TXNRD1: variants seen among roughly 807,000 people sequenced by gnomAD.
TXNRD1 encodes the protein thioredoxin reductase 1, also known as thioredoxin reductase 1, cytoplasmic.
TXNRD1 carries 57 observed loss-of-function variants against 80.3 expected under a neutral mutation model. That is an observed-to-expected ratio of 0.71 (90% CI 0.57 to 0.89). TXNRD1 has a LOEUF of 0.89. Among genes scored for constraint, TXNRD1 ranks in the 40% least tolerant of loss-of-function variants. TXNRD1 has a pLI of 0.00. For synonymous variants in TXNRD1, 291 were observed against 285.2 expected, an observed-to-expected ratio of 1.02 and a Z score of -0.20; for missense variants, 730 against 803.0, an observed-to-expected ratio of 0.91 and a Z score of 1.10.
intron 3 of TXNRD1, among the ~76,000 whole-genome samples, chr12:104,288,329 G>A (rs576461615): frequency 1.3e-5 from 2 of 152,318 alleles, no homozygotes; most frequent in South Asian, 4.1e-4. Flanking sequence ...TGTGGAATCT[G>A]TATGTTCCAC....
At chr12:104,267,657 C>CTTTCTTTCTTTCTTTCTTTG (rs1565870034) in intron 3 of TXNRD1, among the ~76,000 whole-genome samples, 84 of 31,240 alleles carry the variant, frequency 2.7e-3, no homozygotes, top group African/African-American at 9.8e-3. Flanking sequence ...ATCTTTCTTT[C>CTTTCTTTCTTTCTTTCTTTG]TTTCTTTCTT....
intron 13 of TXNRD1, among the ~76,000 whole-genome samples, chr12:104,330,562 A>G (rs879530825): frequency 6.7e-6 from 1 of 149,722 alleles, no homozygotes; most frequent in Non-Finnish European, 1.5e-5. Context: ...GGTGTGAACT[A>G]TAGAACCATT....
chr12:104,342,109 T>G (rs1476537718), intron 16 of TXNRD1, among the ~76,000 whole-genome samples: 1 of 152,142 alleles, frequency 6.6e-6, no homozygotes, highest in Non-Finnish European at 1.5e-5. Flanking sequence ...TAGGGGTGTT[T>G]ATAGAGGTCC....
At chr12:104,342,244 C>T (rs2036351404) in intron 16 of TXNRD1, among the ~76,000 whole-genome samples, 1 of 152,070 alleles carries the variant, frequency 6.6e-6, no homozygotes, top group Non-Finnish European at 1.5e-5. Flanking sequence ...TGGTTGGTTC[C>T]TCTGGCAACC....
chr12:104,300,455 A>C lies in TXNRD1; in HGVS notation c.415-10835A>C, dbSNP rs547873608. ...AGTACCAGTGCGCTTCTTGCTTTCT[A>C]TTCCTGGTCACAGACAAATTTATCA... is the stretch of plus-strand genomic sequence containing the variant. On this transcript the variant is annotated intron_variant, in intron 4 of 16. Coordinates refer to ENST00000525566, the MANE Select transcript of TXNRD1 (RefSeq NM_001093771.3). Among the ~76,000 whole-genome samples the C allele has an allele frequency of 3.9e-5, 6 of 152,306 alleles. No individual in the cohort carries two copies. In the East Asian group the frequency reaches 1.2e-3, roughly 29 times the overall value.
chr12:104,313,015 T>C (rs2035193523), intron 5 of TXNRD1, among the ~76,000 whole-genome samples: 1 of 152,230 alleles, frequency 6.6e-6, no homozygotes. Flanking sequence ...CTAACAATTT[T>C]ACTACTCTAT....
chr12:104,339,435 T>G, intron 16 of TXNRD1, 162 bp downstream of exon 16: 1 of 970,842 alleles, frequency 1.0e-6, no homozygotes. Flanking sequence ...CAATACTGAT[T>G]GCTCATGGTA....
At chr12:104,348,030 C>G (rs1029786568) in intron 16 of TXNRD1, among the ~76,000 whole-genome samples, 1 of 152,150 alleles carries the variant, frequency 6.6e-6, no homozygotes, top group African/African-American at 2.4e-5. Context: ...TTCTTTATAT[C>G]CAAAATATTT....
At chr12:104,267,374 T>C (rs11111962) in intron 3 of TXNRD1, among the ~76,000 whole-genome samples, 102,036 of 150,376 alleles carry the variant, frequency 0.68, 34,777 homozygotes, top group East Asian at 0.85. Context: ...AACTCCTGGC[T>C]TCATGCAATC....
At position 104,230,510 on chromosome 12, in the gene TXNRD1, A is replaced by G. The variant is rs577651698; in HGVS notation, c.91+14617A>G. ...ATTGTCTATCTTTTTTATTCTAGCC[A>G]TCCTAGTGGTGTGAAGTGGTATCTC... On this transcript the variant is annotated intron_variant, in intron 1 of 16. Coordinates refer to ENST00000525566, the MANE Select transcript of TXNRD1 (RefSeq NM_001093771.3). Among the ~76,000 whole-genome samples the G allele has an allele frequency of 2.4e-4, 36 of 152,296 alleles. No individual in the cohort carries two copies. The South Asian group carries it at 7.2e-3, about 31-fold the overall frequency.
At chr12:104,321,069 C>CT (rs80130284) in intron 9 of TXNRD1, 22 bp from the exon 10 acceptor site, 192,027 of 1,261,800 alleles carry the variant, frequency 0.15, 1,170 homozygotes, top group East Asian at 0.24. Flanking sequence ...TTCTTTCTTC[C>CT]TTTTTTTTTT....
At chr12:104,309,877 C>T (rs925264566) in intron 4 of TXNRD1, 3 of 1,535,844 alleles carry the variant, frequency 2.0e-6, no homozygotes, top group Non-Finnish European at 2.6e-6. Context: ...AGTCTTGCCC[C>T]CACTGTTGCT....
chr12:104,319,630 A>G, intron 9 of TXNRD1, 45 bp downstream of exon 9: 1 of 1,393,626 alleles, frequency 7.2e-7, no homozygotes, highest in Non-Finnish European at 9.9e-7. Context: ...CATTGTGGAT[A>G]TTGCTTTCGC....
intron 4 of TXNRD1, among the ~76,000 whole-genome samples, chr12:104,301,757 C>G (rs144453429): frequency 3.3e-5 from 5 of 152,336 alleles, no homozygotes; most frequent in African/African-American, 1.2e-4. Flanking sequence ...AGATTTAAAA[C>G]AAGTTCAAAT....
At chr12:104,263,435 G>A (rs974293769) in intron 3 of TXNRD1, among the ~76,000 whole-genome samples, 5 of 152,128 alleles carry the variant, frequency 3.3e-5, no homozygotes, top group African/African-American at 7.2e-5. Context: ...ATGTGATGGT[G>A]TCTGTTGCAC....
At chr12:104,247,409 T>G (rs2033018912) in intron 1 of TXNRD1, among the ~76,000 whole-genome samples, 1 of 152,208 alleles carries the variant, frequency 6.6e-6, no homozygotes, top group African/African-American at 2.4e-5. Flanking sequence ...CCTGGTTCTG[T>G]GCTGTTCCTG....
At chr12:104,241,085 G>A (rs1426047235) in intron 1 of TXNRD1, among the ~76,000 whole-genome samples, 3 of 151,084 alleles carry the variant, frequency 2.0e-5, no homozygotes, top group Non-Finnish European at 4.4e-5. Flanking sequence ...TGTCGCCCAG[G>A]CTGGAGTGCA....
intron 16 of TXNRD1, among the ~76,000 whole-genome samples, chr12:104,346,609 CAGTT>C (rs1252099096): frequency 6.6e-6 from 1 of 152,122 alleles, no homozygotes; most frequent in African/African-American, 2.4e-5. Flanking sequence ...CTTTCTAACA[CAGTT>C]ATTTTTATTA....
At chr12:104,338,407 C>A (rs1161012649) in intron 15 of TXNRD1, among the ~76,000 whole-genome samples, 1 of 151,456 alleles carries the variant, frequency 6.6e-6, no homozygotes, top group Non-Finnish European at 1.5e-5. Flanking sequence ...AAGTCTCTGG[C>A]CATTTTTCCA....
Sources: allele counts gnomAD v4.1 joint callset (sites outside exome capture counted in the v4.1 genomes callset), GRCh38; gene constraint gnomAD v4.1.1; transcripts MANE v1.5; gene names NCBI Gene and HGNC (gene_info 2026-07-23, HGNC 2026-07-21).